The following ERAP1 variants were observed in gnomAD, a reference collection of about 807,000 sequenced individuals.
ERAP1 encodes the protein adipocyte-derived leucine aminopeptidase.
Under a neutral mutation model 103.7 loss-of-function variants are expected in ERAP1, and 86 were observed. That is an observed-to-expected ratio of 0.83 (90% CI 0.70 to 0.99). The LOEUF is 0.99. Ranked by LOEUF, ERAP1 falls within the 50% of genes least tolerant of loss-of-function variation. ERAP1 has a pLI of 0.00. For synonymous variants in ERAP1, 398 were observed against 402.4 expected, an observed-to-expected ratio of 0.99 and a Z score of 0.13; for missense variants, 1,009 against 1,128.4, an observed-to-expected ratio of 0.89 and a Z score of 1.52.
At chr5:96,842,345 T>C in the ERAP1 span, among the ~76,000 whole-genome samples, 2 of 152,194 alleles carry the variant, frequency 1.3e-5, no homozygotes, top group Non-Finnish European at 2.9e-5. Context: ...TACTTTTAGT[T>C]CTTGAAGGAA....
At chr5:96,901,188 GA>G in the ERAP1 span, among the ~76,000 whole-genome samples, 6 of 147,120 alleles carry the variant, frequency 4.1e-5, no homozygotes, top group African/African-American at 1.5e-4. Context: ...TTGTTTGTTT[GA>G]TTTTGTTTGT....
chr5:96,794,093 C>T, intron 5 of ERAP1, 136 bp from the exon 6 acceptor site: 1 of 755,770 alleles, frequency 1.3e-6, no homozygotes, highest in Non-Finnish European at 2.2e-6. Context: ...AAGAACCTTT[C>T]ACAATGGAGA....
chr5:96,809,488 T>G (rs1298028067), upstream of ERAP1, among the ~76,000 whole-genome samples: 1 of 152,228 alleles, frequency 6.6e-6, no homozygotes, highest in African/African-American at 2.4e-5. Context: ...TCCAAGTCAC[T>G]GCAACAGTAT....
chr5:96,880,312 G>A, the ERAP1 span: 2 of 1,481,808 alleles, frequency 1.3e-6, no homozygotes, highest in South Asian at 1.3e-5. Context: ...TTCCTTACGA[G>A]TTACATCTCT....
At chr5:96,784,284 C>T (rs995704994) in intron 13 of ERAP1, among the ~76,000 whole-genome samples, 8 of 152,148 alleles carry the variant, frequency 5.3e-5, no homozygotes, top group Non-Finnish European at 1.2e-4. Flanking sequence ...CACCTGAGGT[C>T]GGGAGTTCAA....
the ERAP1 span, among the ~76,000 whole-genome samples, chr5:96,874,136 GAGAA>G: frequency 0.048 from 5,703 of 118,786 alleles, 156 homozygotes; most frequent in Middle Eastern, 0.064. Context: ...GAAAGAGAGA[GAGAA>G]AGAAAGAAAG....
At chr5:96,924,722 C>T in the ERAP1 span, among the ~76,000 whole-genome samples, 1 of 151,914 alleles carries the variant, frequency 6.6e-6, no homozygotes, top group Admixed American at 6.6e-5. Context: ...CTCAGCCTCA[C>T]GAGTAGCCGG....
chr5:96,834,902 G>T, the ERAP1 span, among the ~76,000 whole-genome samples: 1 of 152,264 alleles, frequency 6.6e-6, no homozygotes, highest in Middle Eastern at 3.4e-3. Flanking sequence ...GTAATAGGCA[G>T]TTTTTTAGAC....
the ERAP1 span, among the ~76,000 whole-genome samples, chr5:96,851,892 T>C: frequency 6.6e-6 from 1 of 151,486 alleles, no homozygotes; most frequent in Non-Finnish European, 1.5e-5. Flanking sequence ...CCAGAAGAAA[T>C]ACAAAAGGAA....
At chr5:96,867,575 G>C in the ERAP1 span, among the ~76,000 whole-genome samples, 5 of 152,118 alleles carry the variant, frequency 3.3e-5, no homozygotes, top group Admixed American at 6.5e-5. Flanking sequence ...GAAGTACCTA[G>C]CTGGAAGTAT....
the ERAP1 span, among the ~76,000 whole-genome samples, chr5:96,899,400 T>A: frequency 4.6e-5 from 7 of 152,338 alleles, no homozygotes; most frequent in East Asian, 1.2e-3. Flanking sequence ...TGCCCACCAT[T>A]GTGTCACATA....
In ERAP1 at chr5:96,793,918, TC is replaced by T. The variant is rs1451660289; in HGVS notation, c.958del (p.Glu320LysfsTer5). 6.2e-7 allele frequency: 1 copy of T among 1,614,150 alleles called. No individual in the cohort carries two copies. Among genetic ancestry groups the T allele is most frequent in the Non-Finnish European group, 8.5e-7 (1 of 1,180,006 alleles). On this transcript the variant is annotated frameshift_variant, in exon 6 of 19. Coordinates refer to ENST00000443439, the MANE Select transcript of ERAP1 (RefSeq NM_001040458.3). LOFTEE classifies it high-confidence loss of function. ...AIPDFQSGAM[E>X]NWGLTTYRES... The stretch of plus-strand genomic sequence containing the variant: ...TCTATATGTTGTCAGTCCCCAGTTT[TC>T]CATAGCACCAGACTGAAAGTCGGGA...
chr5:96,846,898 C>T, the ERAP1 span, among the ~76,000 whole-genome samples: 4 of 151,682 alleles, frequency 2.6e-5, no homozygotes, highest in Middle Eastern at 3.2e-3. Context: ...CTGTAATCAA[C>T]TGGTCATTGG....
At chr5:96,807,296 T>C (rs1043372887) in intron 1 of ERAP1, among the ~76,000 whole-genome samples, 4 of 152,130 alleles carry the variant, frequency 2.6e-5, no homozygotes, top group African/African-American at 9.7e-5. Context: ...GGGAGGGAAG[T>C]GACCTTAAGA....
chr5:96,909,524 A>G, the ERAP1 span: 1 of 1,409,476 alleles, frequency 7.1e-7, no homozygotes, highest in South Asian at 1.2e-5. Flanking sequence ...GATGGGCAAG[A>G]ACTGTGTTAA....
At chr5:96,860,274 G>A in the ERAP1 span, among the ~76,000 whole-genome samples, 1 of 151,972 alleles carries the variant, frequency 6.6e-6, no homozygotes, top group Non-Finnish European at 1.5e-5. Context: ...GGCTGGTCTC[G>A]AACTCCTGAC....
the ERAP1 span, chr5:96,934,701 A>C: frequency 6.6e-6 from 1 of 152,208 alleles, no homozygotes. Context: ...GTCAAACAAC[A>C]CCCTGGCCGT....
chr5:96,782,155 C>G (rs1035603570), intron 15 of ERAP1, among the ~76,000 whole-genome samples: 1 of 151,946 alleles, frequency 6.6e-6, no homozygotes, highest in East Asian at 1.9e-4. Context: ...GGACTACAGG[C>G]GCCCGCCACC....
chr5:96,899,533 G>A, the ERAP1 span, among the ~76,000 whole-genome samples: 1 of 152,116 alleles, frequency 6.6e-6, no homozygotes, highest in Non-Finnish European at 1.5e-5. Context: ...TTTCTCATTT[G>A]CAGTTGCCCT....
Sources: allele counts gnomAD v4.1 joint callset (sites outside exome capture counted in the v4.1 genomes callset), GRCh38; gene constraint gnomAD v4.1.1; transcripts MANE v1.5; gene names NCBI Gene and HGNC (gene_info 2026-07-23, HGNC 2026-07-21).